The following GAB2 variants were observed in gnomAD, a reference collection of about 807,000 sequenced individuals.
The protein encoded by GAB2 is GRB2 associated binding protein 2.
A neutral mutation model predicts 65.5 loss-of-function variants in GAB2; 26 were observed. That is an observed-to-expected ratio of 0.40 (90% CI 0.29 to 0.55). The LOEUF is 0.55. Ranked by LOEUF, GAB2 falls within the 20% of genes least tolerant of loss-of-function variation. GAB2 has a pLI of 0.53. For synonymous variants in GAB2, 321 were observed against 329.6 expected, an observed-to-expected ratio of 0.97 and a Z score of 0.28; for missense variants, 884 against 875.8, an observed-to-expected ratio of 1.01 and a Z score of -0.12.
intron 1 of GAB2, among the ~76,000 whole-genome samples, chr11:78,326,635 G>A (rs370724035): frequency 6.6e-6 from 1 of 152,116 alleles, no homozygotes; most frequent in South Asian, 2.1e-4. Flanking sequence ...ATTTGTGTGT[G>A]GTGTCTGCAT....
intron 3 of GAB2, among the ~76,000 whole-genome samples, chr11:78,234,637 C>T (rs1864937166): frequency 6.7e-6 from 1 of 148,836 alleles, no homozygotes; most frequent in African/African-American, 2.4e-5. Flanking sequence ...TATTTATATA[C>T]ATATATGTAT....
chr11:78,386,406 C>A (rs900417851), intron 1 of GAB2, among the ~76,000 whole-genome samples: 1 of 152,230 alleles, frequency 6.6e-6, no homozygotes, highest in Non-Finnish European at 1.5e-5. Context: ...TCTGTCAACA[C>A]AGACAACACA....
chr11:78,344,854 T>C (rs1006856617), intron 1 of GAB2, among the ~76,000 whole-genome samples: 2 of 152,040 alleles, frequency 1.3e-5, no homozygotes, highest in African/African-American at 4.8e-5. Context: ...TTTTTGAAAA[T>C]CTAGGAAGAC....
intron 1 of GAB2, among the ~76,000 whole-genome samples, chr11:78,317,105 C>A (rs936006701): frequency 1.4e-4 from 22 of 152,136 alleles, no homozygotes; most frequent in African/African-American, 5.1e-4. Context: ...TTCAGAGAGA[C>A]AAAAAATACA....
chr11:78,343,800 A>G (rs1856139261), intron 1 of GAB2, among the ~76,000 whole-genome samples: 1 of 152,198 alleles, frequency 6.6e-6, no homozygotes, highest in African/African-American at 2.4e-5. Flanking sequence ...TTATTTCAAT[A>G]TATAATCAAT....
rs1591052271 is a variant in GAB2, at chr11:78,342,394, A to G, written c.76-61493T>C. On this transcript the variant is annotated intron_variant, in intron 1 of 9. Coordinates refer to ENST00000361507, the MANE Select transcript of GAB2 (RefSeq NM_080491.3). ...ACCCTCCCTCCTCTAAACCCCTTCAACACTTTGCACTTTTTTTTTTTTTTT... is the reference window on the plus strand; with the variant it reads ...ACCCTCCCTCCTCTAAACCCCTTCAGCACTTTGCACTTTTTTTTTTTTTTT... Among the ~76,000 whole-genome samples the G allele has an allele frequency of 2.1e-5, 3 of 145,406 alleles. No homozygotes were observed. The South Asian group carries it at 6.5e-4, about 32-fold the overall frequency.
chr11:78,382,282 C>T (rs1477702221), intron 1 of GAB2, among the ~76,000 whole-genome samples: 1 of 152,174 alleles, frequency 6.6e-6, no homozygotes, highest in African/African-American at 2.4e-5. Context: ...AGGACTGTAT[C>T]ATTTACATCC....
At chr11:78,404,531 A>C (rs752563036) in intron 1 of GAB2, among the ~76,000 whole-genome samples, 2 of 152,276 alleles carry the variant, frequency 1.3e-5, no homozygotes, top group Non-Finnish European at 2.9e-5. Context: ...TAACAGAGCA[A>C]GACTCCGTCT....
chr11:78,241,294 A>C (rs1865127536), intron 3 of GAB2, among the ~76,000 whole-genome samples: 1 of 152,192 alleles, frequency 6.6e-6, no homozygotes, highest in African/African-American at 2.4e-5. Context: ...ACTAAAACCC[A>C]ACTGCAGGTG....
intron 1 of GAB2, among the ~76,000 whole-genome samples, chr11:78,355,108 T>C (rs967644619): frequency 1.3e-5 from 2 of 152,226 alleles, no homozygotes; most frequent in Admixed American, 1.3e-4. Context: ...GTGAAGTTAA[T>C]GCATTAGTGT....
chr11:78,286,451 G>T (rs1007132858), intron 1 of GAB2, among the ~76,000 whole-genome samples: 1 of 152,040 alleles, frequency 6.6e-6, no homozygotes, highest in Non-Finnish European at 1.5e-5. Flanking sequence ...TCTACTCCCT[G>T]CTTTGGCATT....
chr11:78,313,010 T>C (rs1855532690), intron 1 of GAB2, among the ~76,000 whole-genome samples: 1 of 152,178 alleles, frequency 6.6e-6, no homozygotes, highest in African/African-American at 2.4e-5. Flanking sequence ...TGTTAATTCT[T>C]AGAGAATCTC....
chr11:78,315,837 C>T (rs1006291112), intron 1 of GAB2, among the ~76,000 whole-genome samples: 2 of 152,094 alleles, frequency 1.3e-5, no homozygotes, highest in Non-Finnish European at 2.9e-5. Flanking sequence ...AGATGGCTGG[C>T]GAAGTACTGT....
At chr11:78,356,290 A>G (rs1856358426) in intron 1 of GAB2, among the ~76,000 whole-genome samples, 1 of 152,172 alleles carries the variant, frequency 6.6e-6, no homozygotes. Context: ...TTCAAATGCT[A>G]CTACTGGATA....
Position 78,269,373 on chromosome 11 carries a change from A to G in GAB2, c.376+11228T>C, listed in dbSNP as rs537288330. ...GGCCCTCCCAGGGATGAGAAGACAGAAAGAGTAAGGTCTCTGAGCAAGGCT... is the reference window on the plus strand; with the variant it reads ...GGCCCTCCCAGGGATGAGAAGACAGGAAGAGTAAGGTCTCTGAGCAAGGCT... On this transcript the variant is annotated intron_variant, in intron 2 of 9. Transcript: ENST00000361507. 2.6e-5 allele frequency among the ~76,000 whole-genome samples: 4 copies of G among 152,326 alleles called. No individual in the cohort carries two copies. The South Asian group carries it at 8.3e-4, about 32-fold the overall frequency.
In GAB2 at chr11:78,230,127, G is replaced by A. The variant is rs146498341; in HGVS notation, c.621-3076C>T. ...TAATGCTTGTTGCATTATAAATAATGAATAAACGTTTGTTGTAAGTAAGCA... is the reference window on the plus strand; with the variant it reads ...TAATGCTTGTTGCATTATAAATAATAAATAAACGTTTGTTGTAAGTAAGCA... On this transcript the variant is annotated intron_variant, in intron 3 of 9. Transcript: ENST00000361507. Among the ~76,000 whole-genome samples the A allele has an allele frequency of 3.2e-3, 487 of 152,312 alleles. 2 individuals carry two copies. Among genetic ancestry groups the A allele is most frequent in the African/African-American group, 0.011 (463 of 41,558 alleles).
At chr11:78,401,505 CGTGTGTGTGTGTGTGTGTGTGTGTGTGT>C (rs34474918) in intron 1 of GAB2, among the ~76,000 whole-genome samples, 1 of 125,012 alleles carries the variant, frequency 8.0e-6, no homozygotes, top group Admixed American at 8.3e-5. Context: ...GAACAGTATT[CGTGTGTGTGTGTGTGTGTGTGTGTGTGT>C]GTGTGTGTGT....
At chr11:78,396,061 C>T (rs1856891217) in intron 1 of GAB2, among the ~76,000 whole-genome samples, 1 of 152,210 alleles carries the variant, frequency 6.6e-6, no homozygotes, top group Non-Finnish European at 1.5e-5. Flanking sequence ...TGATTGCCAG[C>T]ATTTGCATTT....
Position 78,222,162 on chromosome 11 carries a change from G to T in GAB2, c.1601C>A (p.Thr534Asn), listed in dbSNP as rs1293921950. 3 of 1,613,886 alleles carry T rather than the reference G, an allele frequency of 1.9e-6. No individual in the cohort carries two copies. The highest frequency in any genetic ancestry group is 1.3e-5 in the African/African-American group (1 of 74,918). The change falls in exon 7 of 10, where the codon ACC becomes AAC. Residue 534 changes from threonine (T) to asparagine (N), a missense_variant. Transcript: ENST00000361507. ...CTTGAAGGGGAGTTCATCGATGACG[G>T]TGTTGTTCCTCAGGTCAAGTGGTGT... is the stretch of plus-strand genomic sequence containing the variant. Reference protein sequence around the residue: ...KPTPLDLRNNTVIDELPFKSP... With the variant: ...KPTPLDLRNNNVIDELPFKSP...
Sources: gnomAD v4.1 joint callset for allele counts (sites outside exome capture counted in the v4.1 genomes callset) on GRCh38, gnomAD v4.1.1 for gene constraint, MANE v1.5 for transcripts, NCBI Gene and HGNC (gene_info 2026-07-23, HGNC 2026-07-21) for gene names.